The following FARP2 variants were observed in gnomAD, a reference collection of about 807,000 sequenced individuals.
FARP2 encodes the protein FERM, ARH/RhoGEF and pleckstrin domain protein 2, also known as FERM, ARHGEF and pleckstrin domain-containing protein 2.
A neutral mutation model predicts 130.5 loss-of-function variants in FARP2; 111 were observed. That is an observed-to-expected ratio of 0.85 (90% CI 0.73 to 1.00). The LOEUF is 1.00. Ranked by LOEUF, FARP2 falls within the 50% of genes least tolerant of loss-of-function variation. FARP2 has a pLI of 0.00. For synonymous variants in FARP2, 504 were observed against 516.9 expected (o/e 0.98, Z 0.34); for missense variants, 1,385 against 1,346.3 (o/e 1.03, Z -0.45).
chr2:241,359,918 A>G (rs2061147817), intron 1 of FARP2, among the ~76,000 whole-genome samples: 1 of 152,308 alleles, frequency 6.6e-6, no homozygotes, highest in Non-Finnish European at 1.5e-5. Flanking sequence ...ATCTCCTTGC[A>G]GTGGTGGTCA....
At chr2:241,448,200 A>C (rs1483224578) in intron 13 of FARP2, among the ~76,000 whole-genome samples, 1 of 152,062 alleles carries the variant, frequency 6.6e-6, no homozygotes, top group East Asian at 1.9e-4. Flanking sequence ...CCCCTACATC[A>C]TGCCAGCCCT....
chr2:241,460,219 C>G (rs546862034), intron 14 of FARP2, among the ~76,000 whole-genome samples: 2 of 152,298 alleles, frequency 1.3e-5, no homozygotes, highest in Non-Finnish European at 2.9e-5. Context: ...AAACATGGGC[C>G]TCTGGGGACG....
chr2:241,465,497 C>T (rs559012878), intron 17 of FARP2: 6 of 1,550,532 alleles, frequency 3.9e-6, no homozygotes, highest in South Asian at 1.2e-5. Context: ...GCAGGGGTCA[C>T]AAAAATGGAG....
intron 4 of FARP2, among the ~76,000 whole-genome samples, chr2:241,405,811 A>G (rs370687329): frequency 7.9e-5 from 12 of 152,116 alleles, no homozygotes; most frequent in Admixed American, 3.3e-4. Flanking sequence ...GCGCATGCCT[A>G]TAATCTCAGC....
At chr2:241,457,780 G>A (rs1012056314) in intron 14 of FARP2, among the ~76,000 whole-genome samples, 1 of 151,354 alleles carries the variant, frequency 6.6e-6, no homozygotes, top group African/African-American at 2.4e-5. Context: ...GCTAAGGGAG[G>A]GTGCACTAGG....
At chr2:241,403,506 C>T (rs1339572076) in intron 2 of FARP2, among the ~76,000 whole-genome samples, 1 of 152,170 alleles carries the variant, frequency 6.6e-6, no homozygotes, top group African/African-American at 2.4e-5. Context: ...GCCACCGCAC[C>T]TGGTGTAAAT....
intron 21 of FARP2, among the ~76,000 whole-genome samples, chr2:241,487,213 C>T (rs778641172): frequency 2.0e-5 from 3 of 152,196 alleles, no homozygotes; most frequent in Non-Finnish European, 4.4e-5. Flanking sequence ...AATTTAAACT[C>T]CATCTTGATG....
chr2:241,484,912 A>T (rs1178210654), intron 21 of FARP2, among the ~76,000 whole-genome samples: 1 of 152,094 alleles, frequency 6.6e-6, no homozygotes, highest in Non-Finnish European at 1.5e-5. Flanking sequence ...AACGGTACAG[A>T]CAGGTAGCCA....
chr2:241,387,176 T>G (rs2150321786), intron 2 of FARP2: 1 of 152,284 alleles, frequency 6.6e-6, no homozygotes, highest in South Asian at 2.1e-4. Context: ...TCTTTTATAC[T>G]TGGGAAACGG....
chr2:241,452,077 T>C (rs1484764799), intron 13 of FARP2, among the ~76,000 whole-genome samples: 2 of 152,254 alleles, frequency 1.3e-5, no homozygotes, highest in South Asian at 2.1e-4. Flanking sequence ...CATTCTGATA[T>C]GCATTATCAG....
At chr2:241,431,953 C>T (rs183389579) in intron 9 of FARP2, among the ~76,000 whole-genome samples, 179 bp downstream of exon 9, 2 of 152,122 alleles carry the variant, frequency 1.3e-5, no homozygotes, top group Admixed American at 6.5e-5. Context: ...TCCCAAGTAG[C>T]TGGGATTACA....
chr2:241,378,637 T>C (rs1303747383), intron 2 of FARP2, among the ~76,000 whole-genome samples: 1 of 151,846 alleles, frequency 6.6e-6, no homozygotes, highest in African/African-American at 2.4e-5. Context: ...CTCAAACTCT[T>C]GGTCTCTAGC....
intron 19 of FARP2, chr2:241,478,767 T>A (rs2064540142): frequency 2.4e-6 from 1 of 419,442 alleles, no homozygotes; most frequent in East Asian, 6.0e-5. Context: ...GTGTACCACG[T>A]GCTTCAGTGT....
At chr2:241,391,253 G>A (rs2061897039) in intron 2 of FARP2, among the ~76,000 whole-genome samples, 1 of 152,174 alleles carries the variant, frequency 6.6e-6, no homozygotes, top group Non-Finnish European at 1.5e-5. Flanking sequence ...ATAATTATAT[G>A]TTTTGTGCCC....
intron 2 of FARP2, among the ~76,000 whole-genome samples, chr2:241,391,012 C>T (rs764322747): frequency 7.2e-5 from 11 of 152,180 alleles, no homozygotes; most frequent in African/African-American, 1.2e-4. Flanking sequence ...GAGTGAGCTG[C>T]GTCCTGACCA....
chr2:241,400,579 A>G (rs2062142366), intron 2 of FARP2, among the ~76,000 whole-genome samples: 1 of 152,218 alleles, frequency 6.6e-6, no homozygotes, highest in African/African-American at 2.4e-5. Flanking sequence ...CAGATTCTCA[A>G]AGCATTCACT....
chr2:241,385,753 AT>A (rs2061769400), intron 2 of FARP2, among the ~76,000 whole-genome samples: 1 of 152,018 alleles, frequency 6.6e-6, no homozygotes, highest in Non-Finnish European at 1.5e-5. Context: ...TTAATTACCT[AT>A]TTGCCCACAC....
At chr2:241,379,009 T>G (rs1186800934) in intron 2 of FARP2, among the ~76,000 whole-genome samples, 1 of 152,232 alleles carries the variant, frequency 6.6e-6, no homozygotes, top group African/African-American at 2.4e-5. Flanking sequence ...GAAAGTTGTG[T>G]GTCAGCTTGC....
rs555726102 is a variant in FARP2, at chr2:241,460,470, G to A, written c.1588-2053G>A. On this transcript the variant is annotated intron_variant, in intron 14 of 26. Transcript: ENST00000264042. ...ACCTTTTTTTTTTTTAAGAGACAGG[G>A]TCTCACTATGTTGCCCAGGCTGGTC... 2.3e-4 allele frequency among the ~76,000 whole-genome samples: 35 copies of A among 151,566 alleles called. 1 individual carries two copies. The highest frequency in any genetic ancestry group is 4.2e-4 in the South Asian group (2 of 4,796).
Sources: gnomAD v4.1 joint callset for allele counts (sites outside exome capture counted in the v4.1 genomes callset) on GRCh38, gnomAD v4.1.1 for gene constraint, MANE v1.5 for transcripts, NCBI Gene and HGNC (gene_info 2026-07-23, HGNC 2026-07-21) for gene names.